Variants in ATRNL1 observed in about 807,000 individuals in gnomAD.
The protein encoded by ATRNL1 is attractin like 1.
ATRNL1 carries 95 observed loss-of-function variants against 182.7 expected under a neutral mutation model. That is an observed-to-expected ratio of 0.52 (90% confidence interval 0.44 to 0.62). ATRNL1 has a LOEUF of 0.62. ATRNL1 is among the 20% of genes least tolerant of loss of function. ATRNL1 has a pLI of 0.00. For missense variants in ATRNL1, 1,471 were observed against 1,679.5 expected (o/e 0.88, Z 2.17); for synonymous variants, 576 against 568.3 (o/e 1.01, Z -0.19).
intron 27 of ATRNL1, among the ~76,000 whole-genome samples, chr10:115,745,585 A>G (rs782817246): frequency 6.6e-6 from 1 of 152,170 alleles, no homozygotes; most frequent in Non-Finnish European, 1.5e-5. Flanking sequence ...CCCACAACAC[A>G]TGAGAGTTTC....
At position 115,139,697 on chromosome 10, in the gene ATRNL1, T is replaced by C. The variant is rs573749072; in HGVS notation, c.829+10162T>C. 4.6e-5 allele frequency among the ~76,000 whole-genome samples: 7 copies of C among 152,264 alleles called. No homozygotes were observed. In the South Asian group the frequency reaches 1.5e-3, roughly 32 times the overall value. On this transcript the variant is annotated intron_variant, in intron 5 of 28. Coordinates refer to ENST00000355044, the MANE Select transcript of ATRNL1 (RefSeq NM_207303.4). Reference sequence around the variant, plus strand: ...ACCATATCAGTTACTAAGTTTAGATTGGTAGGATGTGAGTAGAAAATCTGT... The same window carrying C: ...ACCATATCAGTTACTAAGTTTAGATCGGTAGGATGTGAGTAGAAAATCTGT...
intron 27 of ATRNL1, among the ~76,000 whole-genome samples, chr10:115,843,964 A>G (rs1394350982): frequency 1.3e-5 from 2 of 152,036 alleles, no homozygotes; most frequent in African/African-American, 4.8e-5. Flanking sequence ...GAACTCTTAG[A>G]CCTTCAGTTT....
intron 21 of ATRNL1, among the ~76,000 whole-genome samples, chr10:115,457,348 G>A (rs1847575973): frequency 6.6e-6 from 1 of 151,966 alleles, no homozygotes; most frequent in Non-Finnish European, 1.5e-5. Flanking sequence ...TCATACACCA[G>A]GAACCAATCG....
intron 27 of ATRNL1, among the ~76,000 whole-genome samples, chr10:115,782,644 G>C (rs942488657): frequency 6.6e-6 from 1 of 152,290 alleles, no homozygotes; most frequent in African/African-American, 2.4e-5. Context: ...CTGGGAGTCT[G>C]TCATGTTCTT....
intron 8 of ATRNL1, among the ~76,000 whole-genome samples, chr10:115,185,869 ATACC>A (rs1847919948): frequency 6.6e-6 from 1 of 152,056 alleles, no homozygotes; most frequent in Non-Finnish European, 1.5e-5. Context: ...TTTGTATATA[ATACC>A]TACAGAAAGA....
intron 27 of ATRNL1, among the ~76,000 whole-genome samples, chr10:115,810,226 G>T (rs944753581): frequency 6.6e-6 from 1 of 151,904 alleles, no homozygotes; most frequent in Non-Finnish European, 1.5e-5. Context: ...TGTTGATAAA[G>T]TATACTAGTC....
intron 27 of ATRNL1, among the ~76,000 whole-genome samples, chr10:115,770,138 T>A (rs940559434): frequency 2.7e-4 from 41 of 152,130 alleles, no homozygotes; most frequent in African/African-American, 9.4e-4. Flanking sequence ...CTGAAGGGTT[T>A]TTTTTTTAAA....
chr10:115,945,731 A>G lies in ATRNL1; in HGVS notation c.*952A>G, dbSNP rs1268359665. ...TGCTAGATTTTAACTACCTTTTACA[A>G]ATGTTACAAAATGTATTTTAGAGGC... On this transcript the variant is annotated 3_prime_UTR_variant, in exon 29 of 29. Coordinates refer to ENST00000355044, the MANE Select transcript of ATRNL1 (RefSeq NM_207303.4). The G allele has an allele frequency of 1.3e-5, 2 of 152,128 alleles. No individual in the cohort carries two copies. The highest frequency in any genetic ancestry group is 2.9e-5 in the Non-Finnish European group (2 of 68,022). The allele number at this position is 152,128 out of a possible 1,614,324, so 9.4% of individuals were successfully genotyped here.
intron 26 of ATRNL1, among the ~76,000 whole-genome samples, chr10:115,646,949 C>A (rs868989860): frequency 1.7e-5 from 2 of 117,752 alleles, no homozygotes; most frequent in Admixed American, 9.0e-5. Flanking sequence ...CCCCCTCCCC[C>A]CCTCCCCCCA....
Position 115,856,428 on chromosome 10 carries a change from C to CAAAAAAAAAAAAAAAAAAAAAAAAA in ATRNL1, c.4018+8459_4018+8460insAAAAAAAAAAAAAAAAAAAAAAAAA. Among the ~76,000 whole-genome samples the CAAAAAAAAAAAAAAAAAAAAAAAAA allele has an allele frequency of 3.2e-3, 73 of 22,536 alleles. 28 individuals carry two copies. Among genetic ancestry groups the CAAAAAAAAAAAAAAAAAAAAAAAAA allele is most frequent in the Admixed American group, 5.4e-3 (5 of 926 alleles). 14.8% of individuals were successfully genotyped at this position (22,536 alleles called of 152,430 possible). On this transcript the variant is annotated intron_variant, in intron 28 of 28. Coordinates refer to ENST00000355044, the MANE Select transcript of ATRNL1 (RefSeq NM_207303.4). ...GGGCAACAAGAGCGAAGCTCCATCTCAAAAAAAAAAAAAAAAAAAAAAGCC... is the reference window on the plus strand; with the variant it reads ...GGGCAACAAGAGCGAAGCTCCATCTCAAAAAAAAAAAAAAAAAAAAAAAAAAAAAAAAAAAAAAAAAAAAAAAGCC...
chr10:115,690,371 A>G (rs113913069), intron 26 of ATRNL1, among the ~76,000 whole-genome samples: 248 of 152,150 alleles, frequency 1.6e-3, no homozygotes, highest in African/African-American at 5.6e-3. Flanking sequence ...GGAGCACACA[A>G]CCTGGATCCC....
At chr10:115,862,531 C>T (rs1249485599) in intron 28 of ATRNL1, among the ~76,000 whole-genome samples, 12 of 152,180 alleles carry the variant, frequency 7.9e-5, no homozygotes, top group Non-Finnish European at 1.8e-4. Flanking sequence ...AATTAAAACA[C>T]TACTGAAATA....
At chr10:115,108,583 T>C (rs1844124375) in intron 1 of ATRNL1, among the ~76,000 whole-genome samples, 1 of 152,174 alleles carries the variant, frequency 6.6e-6, no homozygotes, top group Admixed American at 6.5e-5. Flanking sequence ...CCCACCATAA[T>C]CTTCTTATGA....
intron 28 of ATRNL1, among the ~76,000 whole-genome samples, chr10:115,915,186 A>G (rs562543361): frequency 6.6e-6 from 1 of 152,274 alleles, no homozygotes; most frequent in East Asian, 1.9e-4. Context: ...TCACGAAGTC[A>G]GGAGATGAAG....
chr10:115,757,706 G>C (rs1555072402), intron 27 of ATRNL1, among the ~76,000 whole-genome samples: 1 of 152,128 alleles, frequency 6.6e-6, no homozygotes, highest in Non-Finnish European at 1.5e-5. Flanking sequence ...ATGTTGGCCT[G>C]CCTTGCTAGG....
chr10:115,672,923 C>T (rs977430267), intron 26 of ATRNL1, among the ~76,000 whole-genome samples: 2 of 152,026 alleles, frequency 1.3e-5, no homozygotes, highest in African/African-American at 2.4e-5. Flanking sequence ...TTCCTCCACC[C>T]TCACCACACC....
At chr10:115,197,350 A>G (rs1158285270) in intron 8 of ATRNL1, among the ~76,000 whole-genome samples, 5 of 152,018 alleles carry the variant, frequency 3.3e-5, no homozygotes, top group Admixed American at 3.3e-4. Flanking sequence ...TAATATCTTT[A>G]TATGGTTTTG....
At chr10:115,627,522 G>T (rs111775340) in intron 26 of ATRNL1, among the ~76,000 whole-genome samples, 2 of 151,824 alleles carry the variant, frequency 1.3e-5, no homozygotes, top group Non-Finnish European at 2.9e-5. Flanking sequence ...ACACAACCGC[G>T]CCTGGCTAAT....
chr10:115,177,279 T>C (rs1257995705), intron 8 of ATRNL1, among the ~76,000 whole-genome samples: 1 of 152,106 alleles, frequency 6.6e-6, no homozygotes, highest in Non-Finnish European at 1.5e-5. Context: ...AGTCTCACAA[T>C]ATTGGATTTA....
Sources: gnomAD v4.1 joint callset for allele counts (sites outside exome capture counted in the v4.1 genomes callset) on GRCh38, gnomAD v4.1.1 for gene constraint, MANE v1.5 for transcripts, NCBI Gene and HGNC (gene_info 2026-07-23, HGNC 2026-07-21) for gene names.